The following KAZN variants were observed in gnomAD, a reference collection of about 807,000 sequenced individuals.
KAZN encodes the protein kazrin, periplakin interacting protein.
In KAZN, 40 loss-of-function variants were observed where a neutral mutation model predicts 87.4. The ratio of observed to expected loss-of-function variants is 0.46; its 90% CI spans 0.36 to 0.60. The LOEUF is 0.60. Among genes scored for constraint, KAZN ranks in the 20% least tolerant of loss-of-function variants. The pLI, the probability that KAZN is intolerant of heterozygous loss-of-function variation, is 0.00. For missense variants in KAZN, 898 were observed against 1,073.9 expected, an observed-to-expected ratio of 0.84 and a Z score of 2.29; for synonymous variants, 466 against 458.3, an observed-to-expected ratio of 1.02 and a Z score of -0.22.
At chr1:14,908,844 A>C (rs1192218923) in intron 1 of KAZN, among the ~76,000 whole-genome samples, 1 of 151,944 alleles carries the variant, frequency 6.6e-6, no homozygotes. Context: ...GTGAAACCCC[A>C]TCTCTACTAA....
chr1:14,962,773 C>T (rs529010852), intron 2 of KAZN, among the ~76,000 whole-genome samples: 1 of 152,274 alleles, frequency 6.6e-6, no homozygotes, highest in African/African-American at 2.4e-5. Context: ...AGGATTCTCA[C>T]CCCTATGTGC....
chr1:15,003,456 T>C (rs944474766), intron 2 of KAZN, among the ~76,000 whole-genome samples: 3 of 152,218 alleles, frequency 2.0e-5, no homozygotes, highest in Admixed American at 1.3e-4. Context: ...TAGCTCATTG[T>C]GCATTTCAAA....
At chr1:14,276,267 T>A (rs1437980024) in intron 2 of KAZN, among the ~76,000 whole-genome samples, 1 of 151,482 alleles carries the variant, frequency 6.6e-6, no homozygotes, top group African/African-American at 2.4e-5. Flanking sequence ...TTCATCAACA[T>A]CATCATCATC....
intron 2 of KAZN, among the ~76,000 whole-genome samples, chr1:14,992,145 C>T (rs1667421844): frequency 6.6e-6 from 1 of 152,142 alleles, no homozygotes; most frequent in Non-Finnish European, 1.5e-5. Flanking sequence ...GGGGCCCCAG[C>T]AGAAGGCCGA....
At chr1:14,610,885 C>T (rs902540414) in intron 1 of KAZN, among the ~76,000 whole-genome samples, 2 of 152,090 alleles carry the variant, frequency 1.3e-5, no homozygotes, top group Non-Finnish European at 2.9e-5. Flanking sequence ...CTCTTTTATT[C>T]GGGTCTTTGG....
chr1:14,958,521 A>G (rs972247733), intron 1 of KAZN, among the ~76,000 whole-genome samples: 1 of 152,104 alleles, frequency 6.6e-6, no homozygotes, highest in Non-Finnish European at 1.5e-5. Context: ...GGCACTTCCA[A>G]TGCCTCCGAG....
At chr1:14,335,001 T>C (rs573486711) in intron 2 of KAZN, among the ~76,000 whole-genome samples, 1 of 151,698 alleles carries the variant, frequency 6.6e-6, no homozygotes, top group South Asian at 2.1e-4. Flanking sequence ...ATGGTTTAGG[T>C]GTTTGTCCCT....
At chr1:13,913,568 C>T (rs937863356) in intron 1 of KAZN, among the ~76,000 whole-genome samples, 1 of 152,096 alleles carries the variant, frequency 6.6e-6, no homozygotes, top group Admixed American at 6.5e-5. Flanking sequence ...TCCTTCTTCT[C>T]CAGCAAGGCA....
intron 2 of KAZN, among the ~76,000 whole-genome samples, chr1:14,253,323 C>G (rs1048519962): frequency 7.9e-5 from 12 of 152,188 alleles, no homozygotes. Context: ...CTTGCAGATT[C>G]CCTTCTTGCT....
chr1:14,680,498 C>T lies in KAZN; in HGVS notation c.226+81275C>T, dbSNP rs535836235. On this transcript the variant is annotated intron_variant, in intron 1 of 14. Transcript: ENST00000376030. ...TTCTGGGATACGTGTGCAGAATGTGCAGGTTTGCTACACAGGTATATATGT... is the reference window on the plus strand; with the variant it reads ...TTCTGGGATACGTGTGCAGAATGTGTAGGTTTGCTACACAGGTATATATGT... Among the ~76,000 whole-genome samples the T allele has an allele frequency of 5.3e-5, 8 of 152,202 alleles. No individual in the cohort carries two copies. The East Asian group carries it at 1.5e-3, about 29-fold the overall frequency.
chr1:14,264,062 A>G (rs550300102), intron 2 of KAZN, among the ~76,000 whole-genome samples: 1 of 152,328 alleles, frequency 6.6e-6, no homozygotes, highest in African/African-American at 2.4e-5. Context: ...AAAACAGCAC[A>G]CACTTGTTAT....
At chr1:14,090,857 T>C (rs910886105) in intron 1 of KAZN, among the ~76,000 whole-genome samples, 10 of 152,132 alleles carry the variant, frequency 6.6e-5, no homozygotes, top group African/African-American at 2.2e-4. Context: ...CTCAGGCCTG[T>C]AATCCCAGCA....
At chr1:14,579,183 A>T (rs951786716) in intron 2 of KAZN, among the ~76,000 whole-genome samples, 5 of 152,158 alleles carry the variant, frequency 3.3e-5, no homozygotes, top group Non-Finnish European at 5.9e-5. Flanking sequence ...TATTTCTTGA[A>T]ATCTCAGCTT....
At chr1:14,118,723 C>G (rs1644684154) in intron 1 of KAZN, among the ~76,000 whole-genome samples, 1 of 152,194 alleles carries the variant, frequency 6.6e-6, no homozygotes, top group Non-Finnish European at 1.5e-5. Context: ...CAGAATTCAT[C>G]TGGTTGAATC....
intron 2 of KAZN, among the ~76,000 whole-genome samples, chr1:14,365,800 C>G (rs914408550): frequency 1.3e-5 from 2 of 152,152 alleles, no homozygotes; most frequent in Non-Finnish European, 2.9e-5. Context: ...TAGACTAACT[C>G]AAAACAAAAA....
chr1:14,908,483 G>A lies in KAZN; in HGVS notation c.227-52201G>A, dbSNP rs149220202. On this transcript the variant is annotated intron_variant, in intron 1 of 14. Transcript: ENST00000376030. ...CTTGAGCCTGGAAGGCAGAGGTTGC[G>A]GTGAGCTGAGATCACGCCACTGCAC... 3.3e-3 allele frequency among the ~76,000 whole-genome samples: 508 copies of A among 152,162 alleles called. 12 individuals carry two copies. The South Asian group carries it at 0.047, about 14-fold the overall frequency.
chr1:14,401,576 G>A (rs560733939), intron 2 of KAZN, among the ~76,000 whole-genome samples: 8 of 152,196 alleles, frequency 5.3e-5, no homozygotes, highest in South Asian at 2.1e-4. Flanking sequence ...AGCACTTTGG[G>A]AAGCCAAGAC....
chr1:14,642,651 A>G (rs1680495830), intron 1 of KAZN, among the ~76,000 whole-genome samples: 2 of 152,228 alleles, frequency 1.3e-5, no homozygotes, highest in Admixed American at 1.3e-4. Context: ...ATAGTTTACA[A>G]TAATATATGA....
At chr1:14,792,974 CAAAAAA>C (rs1338876410) in intron 1 of KAZN, among the ~76,000 whole-genome samples, 3 of 108,920 alleles carry the variant, frequency 2.8e-5, no homozygotes, top group South Asian at 6.4e-4. Context: ...GACTCTGTCT[CAAAAAA>C]AAAAAAAAAA....
Sources: gnomAD v4.1 joint callset for allele counts (sites outside exome capture counted in the v4.1 genomes callset) on GRCh38, gnomAD v4.1.1 for gene constraint, MANE v1.5 for transcripts, NCBI Gene and HGNC (gene_info 2026-07-23, HGNC 2026-07-21) for gene names.